Variants in GAB1 observed in about 807,000 individuals in gnomAD.
The protein encoded by GAB1 is GRB2-associated-binding protein 1.
GAB1 carries 19 observed loss-of-function variants against 66.5 expected under a neutral mutation model. The ratio of observed to expected loss-of-function variants is 0.29; its 90% CI spans 0.20 to 0.42. The LOEUF (loss-of-function observed/expected upper bound fraction) is 0.42. Among genes scored for constraint, GAB1 ranks in the 10% least tolerant of loss-of-function variants. The pLI, the probability that GAB1 is intolerant of heterozygous loss-of-function variation, is 1.00. For missense variants in GAB1, 732 were observed against 858.5 expected (o/e 0.85, Z 1.84); for synonymous variants, 294 against 301.4 (o/e 0.98, Z 0.25).
At chr4:143,399,574 T>C (rs956540447) in intron 1 of GAB1, among the ~76,000 whole-genome samples, 4 of 152,166 alleles carry the variant, frequency 2.6e-5, no homozygotes, top group Admixed American at 1.3e-4. Flanking sequence ...GACAAAAGAA[T>C]AGAGAAGAAA....
Position 143,433,606 on chromosome 4 carries a change from A to G in GAB1, c.483A>G (p.Pro161=), listed in dbSNP as rs1314882920. Residue 161 remains proline, a synonymous_variant, in exon 3 of 10, where the codon CCA becomes CCG. Coordinates refer to ENST00000262994, the MANE Select transcript of GAB1 (RefSeq NM_002039.4). ...CATCCTCTGCTACTCTACCTCCTCC[A>G]TATCAGCTAATCAATGTTCCACCAC... ...ADSSSATLPP[P]YQLINVPPHL... 8 of 1,613,902 alleles carry G rather than the reference A, an allele frequency of 5.0e-6. No homozygotes were observed. The highest frequency in any genetic ancestry group is 2.2e-5 in the East Asian group (1 of 44,866).
chr4:143,465,840 G>T (rs1401355028), intron 8 of GAB1, among the ~76,000 whole-genome samples: 2 of 152,170 alleles, frequency 1.3e-5, no homozygotes, highest in South Asian at 2.1e-4. Flanking sequence ...TTCAAGTTGG[G>T]CTATCATAGC....
chr4:143,453,131 T>C (rs2149782429), intron 6 of GAB1, among the ~76,000 whole-genome samples: 1 of 152,256 alleles, frequency 6.6e-6, no homozygotes, highest in South Asian at 2.1e-4. Context: ...TAATGTCAAA[T>C]TGAGTTTGGA....
At chr4:143,348,230 T>C (rs1210266597) in intron 1 of GAB1, among the ~76,000 whole-genome samples, 1 of 152,264 alleles carries the variant, frequency 6.6e-6, no homozygotes, top group Non-Finnish European at 1.5e-5. Flanking sequence ...CCTAGTTAAA[T>C]GCCCTGAATT....
intron 2 of GAB1, among the ~76,000 whole-genome samples, chr4:143,431,784 A>C (rs973556912): frequency 2.6e-5 from 4 of 152,222 alleles, no homozygotes; most frequent in African/African-American, 9.6e-5. Flanking sequence ...GGCCTGCAGC[A>C]AAGTTTGCTA....
At chr4:143,437,774 G>A (rs1478005045) in intron 3 of GAB1, among the ~76,000 whole-genome samples, 1 of 152,066 alleles carries the variant, frequency 6.6e-6, no homozygotes, top group African/African-American at 2.4e-5. Flanking sequence ...GCAGATATAG[G>A]ACAGAATTAG....
At chr4:143,348,884 G>T (rs1729077465) in intron 1 of GAB1, among the ~76,000 whole-genome samples, 1 of 152,108 alleles carries the variant, frequency 6.6e-6, no homozygotes, top group Non-Finnish European at 1.5e-5. Context: ...CTTTGCACAT[G>T]CTCTCCTCTC....
Position 143,364,018 on chromosome 4 carries a change from T to C in GAB1, c.72+26758T>C, listed in dbSNP as rs557106894. Among the ~76,000 whole-genome samples, 5 of 152,160 alleles carry C rather than the reference T, an allele frequency of 3.3e-5. No homozygotes were observed. In the South Asian group the frequency reaches 1.0e-3, roughly 32 times the overall value. ...GTGTGGCCAACAGGGTGAAACCCCA[T>C]CTCTACTAAAAATACAAAAATTAGC... is the stretch of plus-strand genomic sequence containing the variant. On this transcript the variant is annotated intron_variant, in intron 1 of 9. Transcript: ENST00000262994.
intron 2 of GAB1, among the ~76,000 whole-genome samples, 155 bp from the exon 3 acceptor site, chr4:143,433,336 A>G (rs1733773342): frequency 1.3e-5 from 2 of 152,214 alleles, no homozygotes; most frequent in African/African-American, 2.4e-5. Flanking sequence ...TACTTCCTGT[A>G]TAAAGGTCGC....
At chr4:143,371,210 G>A (rs1444744568) in intron 1 of GAB1, among the ~76,000 whole-genome samples, 1 of 152,110 alleles carries the variant, frequency 6.6e-6, no homozygotes, top group Non-Finnish European at 1.5e-5. Flanking sequence ...TCCAGCACCT[G>A]TTGTTTCCTG....
rs1031103062 is a variant in GAB1 at position 143,361,763 on chromosome 4, G to A, written c.72+24503G>A. 3.9e-5 allele frequency among the ~76,000 whole-genome samples: 6 copies of A among 152,140 alleles called. No homozygotes were observed. The East Asian group carries it at 7.7e-4, about 20-fold the overall frequency. On this transcript the variant is annotated intron_variant, in intron 1 of 9. Coordinates refer to ENST00000262994, the MANE Select transcript of GAB1 (RefSeq NM_002039.4). ...CTACCTCTGGCCCAGGTTTCTGTAC[G>A]GTTCTTACTATTTGTAACTGCTTGA...
intron 2 of GAB1, among the ~76,000 whole-genome samples, chr4:143,426,729 A>G (rs1018402308): frequency 1.3e-5 from 2 of 152,212 alleles, no homozygotes; most frequent in African/African-American, 4.8e-5. Context: ...TTAATACATT[A>G]TTATTCAGGC....
rs1729127850 is a variant in GAB1 at position 143,349,884 on chromosome 4, T to C, written c.72+12624T>C. On this transcript the variant is annotated intron_variant, in intron 1 of 9. Coordinates refer to ENST00000262994, the MANE Select transcript of GAB1 (RefSeq NM_002039.4). ...CCCCCAGGAAAAAGTCAATGATCTC[T>C]GATTCCTTAATGGGCAGAGAGAAGA... The C allele has an allele frequency of 3.8e-6, 6 of 1,579,374 alleles. No individual in the cohort carries two copies. In the South Asian group the frequency reaches 6.7e-5, roughly 18 times the overall value.
At chr4:143,412,012 T>A (rs936004002) in intron 1 of GAB1, among the ~76,000 whole-genome samples, 1 of 152,222 alleles carries the variant, frequency 6.6e-6, no homozygotes, top group Non-Finnish European at 1.5e-5. Context: ...CCGTAAGGGT[T>A]CACGTCTTGT....
At chr4:143,385,333 G>A (rs1028668156) in intron 1 of GAB1, among the ~76,000 whole-genome samples, 5 of 152,140 alleles carry the variant, frequency 3.3e-5, no homozygotes, top group African/African-American at 1.2e-4. Flanking sequence ...CTGGGGGTCT[G>A]TAGCCCTGGA....
chr4:143,469,078 T>C lies in GAB1; in HGVS notation c.1974T>C (p.Asp658=). 1 of 1,614,124 alleles carries C rather than the reference T, an allele frequency of 6.2e-7. No homozygotes were observed. Residue 658 remains aspartate, a synonymous_variant, in exon 10 of 10, where the codon GAT becomes GAC. Coordinates refer to ENST00000262994, the MANE Select transcript of GAB1 (RefSeq NM_002039.4). ...GCAGTGTAGCAGATGAGAGAGTGGA[T>C]TATGTTGTTGTTGACCAACAGAAGA... ...SGSSVADERV[D]YVVVDQQKTL...
chr4:143,447,643 C>T (rs1734637955), intron 6 of GAB1, among the ~76,000 whole-genome samples: 1 of 152,134 alleles, frequency 6.6e-6, no homozygotes, highest in Non-Finnish European at 1.5e-5. Context: ...ATTTTGTGTC[C>T]TGAGACTTTG....
At chr4:143,436,624 C>G (rs1219746008) in intron 3 of GAB1, among the ~76,000 whole-genome samples, 1 of 151,972 alleles carries the variant, frequency 6.6e-6, no homozygotes, top group African/African-American at 2.4e-5. Context: ...GGGCTCGGTG[C>G]CTGCGTGACT....
rs1341855991 is a variant in GAB1, at chr4:143,337,192, A to G, written c.4A>G (p.Ser2Gly). The G allele has an allele frequency of 6.3e-7, 1 of 1,578,848 alleles. No homozygotes were observed. ...CGGAGCCCGAGACGCGCGCACCATG[A>G]GCGGTGGTGAAGTGGTCTGCTCCGG... M[S>G]GGEVVCSGWL... Residue 2 changes from serine (S) to glycine (G), a missense_variant, in exon 1 of 10, where the codon AGC becomes GGC. Transcript: ENST00000262994.
Sources: allele counts gnomAD v4.1 joint callset (sites outside exome capture counted in the v4.1 genomes callset), GRCh38; gene constraint gnomAD v4.1.1; transcripts MANE v1.5; gene names NCBI Gene and HGNC (gene_info 2026-07-23, HGNC 2026-07-21).